Variants in ARL15 observed in about 807,000 individuals in gnomAD.
The protein encoded by ARL15 is ADP-ribosylation factor-like protein 15.
In ARL15, 19 loss-of-function variants were observed where a neutral mutation model predicts 25.2. The observed-to-expected ratio is 0.75, with a 90% CI of 0.53 to 1.10. The LOEUF (loss-of-function observed/expected upper bound fraction) is 1.10, where lower values mean the gene tolerates loss of function less well. Among genes scored for constraint, ARL15 ranks in the 50% least tolerant of loss-of-function variants. ARL15 has a pLI of 0.00. For synonymous variants in ARL15, 94 were observed against 86.8 expected, an observed-to-expected ratio of 1.08 and a Z score of -0.46; for missense variants, 220 against 246.0, an observed-to-expected ratio of 0.89 and a Z score of 0.71.
intron 1 of ARL15, among the ~76,000 whole-genome samples, chr5:54,210,976 AAATGAAAATACACATATTTT>A (rs2112506566): frequency 6.6e-6 from 1 of 152,350 alleles, no homozygotes; most frequent in South Asian, 2.1e-4. Context: ...TCAGCAAACA[AAATGAAAATACACATATTTT>A]AATAAGTAGT....
chr5:54,301,912 T>C (rs1758625818), intron 1 of ARL15, among the ~76,000 whole-genome samples: 1 of 152,240 alleles, frequency 6.6e-6, no homozygotes, highest in Admixed American at 6.5e-5. Context: ...AGGAACTTGA[T>C]AAATGAGATT....
At chr5:54,059,788 T>C (rs995322626) in intron 4 of ARL15, among the ~76,000 whole-genome samples, 1 of 152,178 alleles carries the variant, frequency 6.6e-6, no homozygotes, top group African/African-American at 2.4e-5. Flanking sequence ...TTCAGCACTA[T>C]TGAGGCAGAT....
At chr5:54,037,965 A>G (rs1370967745) in intron 4 of ARL15, among the ~76,000 whole-genome samples, 1 of 152,098 alleles carries the variant, frequency 6.6e-6, no homozygotes, top group Non-Finnish European at 1.5e-5. Context: ...GAATCTCCAA[A>G]CTATTACATA....
At chr5:54,231,580 C>T (rs748998146) in intron 1 of ARL15, among the ~76,000 whole-genome samples, 1 of 152,200 alleles carries the variant, frequency 6.6e-6, no homozygotes, top group Non-Finnish European at 1.5e-5. Context: ...CTTATCTTAG[C>T]TTAGGCTACC....
At chr5:54,310,356 G>C in intron 1 of ARL15, 76 bp downstream of exon 1, 3 of 1,490,512 alleles carry the variant, frequency 2.0e-6, no homozygotes, top group East Asian at 2.4e-5. Context: ...AAGCAAAAAG[G>C]CTGCTCCTCA....
intron 1 of ARL15, among the ~76,000 whole-genome samples, chr5:54,185,490 A>T (rs1755211906): frequency 6.6e-6 from 1 of 152,214 alleles, no homozygotes; most frequent in Non-Finnish European, 1.5e-5. Context: ...GAGCACTTGA[A>T]TGCAGGCACT....
intron 4 of ARL15, among the ~76,000 whole-genome samples, chr5:53,963,121 A>G (rs1747425199): frequency 6.6e-6 from 1 of 152,234 alleles, no homozygotes; most frequent in South Asian, 2.1e-4. Flanking sequence ...AAAAGGTAAT[A>G]AAGGATGGGA....
At chr5:54,059,660 A>G (rs562251783) in intron 4 of ARL15, among the ~76,000 whole-genome samples, 1 of 152,326 alleles carries the variant, frequency 6.6e-6, no homozygotes, top group East Asian at 1.9e-4. Flanking sequence ...CCAGGATGAG[A>G]AAGCAGGATG....
chr5:54,010,739 C>T (rs1330674248), intron 4 of ARL15, among the ~76,000 whole-genome samples: 1 of 152,030 alleles, frequency 6.6e-6, no homozygotes, highest in Admixed American at 6.5e-5. Flanking sequence ...AGGCCGGGGG[C>T]GGTGGCTCAC....
intron 4 of ARL15, among the ~76,000 whole-genome samples, chr5:53,990,379 CT>C (rs1394342575): frequency 6.6e-6 from 1 of 152,132 alleles, no homozygotes; most frequent in Non-Finnish European, 1.5e-5. Context: ...ACAATTTCTT[CT>C]TTTTAGTTCA....
At chr5:54,043,166 ATTATTTG>A (rs1285070114) in intron 4 of ARL15, among the ~76,000 whole-genome samples, 4 of 151,442 alleles carry the variant, frequency 2.6e-5, no homozygotes, top group Admixed American at 6.6e-5. Flanking sequence ...CCAAGGCTGA[ATTATTTG>A]CTCTTTCTCT....
At chr5:54,258,728 C>CT (rs1757427782) in intron 1 of ARL15, among the ~76,000 whole-genome samples, 5 of 152,194 alleles carry the variant, frequency 3.3e-5, no homozygotes, top group African/African-American at 1.2e-4. Flanking sequence ...AGGAGAGGGG[C>CT]ATGAAATGAA....
intron 4 of ARL15, among the ~76,000 whole-genome samples, chr5:54,031,145 T>C (rs531654243): frequency 5.3e-5 from 8 of 152,304 alleles, no homozygotes; most frequent in Non-Finnish European, 8.8e-5. Context: ...AGCTTTATTA[T>C]TGAGGCACTC....
rs147569247 is a variant in ARL15 at position 53,991,057 on chromosome 5, G to C, written c.463-104344C>G. Among the ~76,000 whole-genome samples the C allele has an allele frequency of 1.5e-3, 229 of 152,080 alleles. 1 individual carries two copies. The highest frequency in any genetic ancestry group is 5.1e-3 in the African/African-American group (212 of 41,480). On this transcript the variant is annotated intron_variant, in intron 4 of 4. Transcript: ENST00000504924. ...CTCACTCCCTACCCCCACCCCATGG[G>C]TATAATTCCATTTTTGAAGTGGAAG... is the stretch of plus-strand genomic sequence containing the variant.
intron 3 of ARL15, among the ~76,000 whole-genome samples, chr5:54,148,960 C>T (rs27897): frequency 0.22 from 34,133 of 152,032 alleles, 4,581 homozygotes; most frequent in East Asian, 0.68. Context: ...TGCATAGAAA[C>T]CTGTTTGTAA....
intron 2 of ARL15, among the ~76,000 whole-genome samples, chr5:54,160,144 G>C (rs1275821026): frequency 6.6e-6 from 1 of 152,148 alleles, no homozygotes; most frequent in Non-Finnish European, 1.5e-5. Context: ...GCAGTTTTGT[G>C]ATGTTTGGAC....
intron 4 of ARL15, chr5:53,951,651 T>G: frequency 2.4e-6 from 1 of 410,758 alleles, no homozygotes; most frequent in Admixed American, 4.0e-5. Flanking sequence ...CCCTATATAT[T>G]TTCGATATGA....
At chr5:54,067,701 G>A (rs184608964) in intron 4 of ARL15, among the ~76,000 whole-genome samples, 1 of 152,266 alleles carries the variant, frequency 6.6e-6, no homozygotes, top group African/African-American at 2.4e-5. Context: ...ATGAACCATC[G>A]TCTTGGTAAT....
intron 4 of ARL15, among the ~76,000 whole-genome samples, chr5:53,967,017 G>T (rs1475379790): frequency 1.3e-5 from 2 of 152,098 alleles, no homozygotes; most frequent in South Asian, 2.1e-4. Flanking sequence ...GATACTGCAG[G>T]TGTATAATTA....
Sources: allele counts gnomAD v4.1 joint callset (sites outside exome capture counted in the v4.1 genomes callset), GRCh38; gene constraint gnomAD v4.1.1; transcripts MANE v1.5; gene names NCBI Gene and HGNC (gene_info 2026-07-23, HGNC 2026-07-21).